Variants in AQP7B observed in about 807,000 individuals in gnomAD.
AQP7B encodes putative aquaporin-7B.
chr2:94,603,562 A>C, the AQP7B span: 1 of 1,518,120 alleles, frequency 6.6e-7, no homozygotes, highest in Non-Finnish European at 9.0e-7. Context: ...CAGAGCCAGC[A>C]GGGAGTCCCT....
At chr2:94,597,706 G>A in the AQP7B span, among the ~76,000 whole-genome samples, 6 of 150,002 alleles carry the variant, frequency 4.0e-5, no homozygotes, top group African/African-American at 1.5e-4. Context: ...CCGGGTTCAA[G>A]CGATTCTTGC....
At chr2:94,587,696 G>T in the AQP7B span, among the ~76,000 whole-genome samples, 2 of 152,154 alleles carry the variant, frequency 1.3e-5, no homozygotes, top group East Asian at 3.9e-4. Context: ...CACTGGGCTG[G>T]ACTATCAGCA....
the AQP7B span, chr2:94,588,666 C>G: frequency 1.3e-6 from 1 of 768,974 alleles, no homozygotes; most frequent in Non-Finnish European, 2.2e-6. Context: ...CCTTGACCTC[C>G]TCCTCCCCAC....
the AQP7B span, among the ~76,000 whole-genome samples, chr2:94,600,585 A>T: frequency 6.6e-6 from 1 of 152,080 alleles, no homozygotes; most frequent in East Asian, 1.9e-4. Context: ...TAAATTGAAA[A>T]AATTAGCTGG....
chr2:94,604,406 G>A, the AQP7B span: 1 of 1,611,530 alleles, frequency 6.2e-7, no homozygotes, highest in South Asian at 1.1e-5. Context: ...CCTGAAATTG[G>A]AGGACTCTGT....
the AQP7B span, among the ~76,000 whole-genome samples, chr2:94,598,597 C>T: frequency 3.3e-5 from 5 of 152,200 alleles, no homozygotes. Context: ...GCTGCCGCCA[C>T]TCCAGCTGAC....
At chr2:94,587,887 G>C in the AQP7B span, among the ~76,000 whole-genome samples, 1 of 152,114 alleles carries the variant, frequency 6.6e-6, no homozygotes, top group African/African-American at 2.4e-5. Flanking sequence ...GGAGATAAGA[G>C]TCTGTGCTGG....
the AQP7B span, among the ~76,000 whole-genome samples, chr2:94,602,232 T>A: frequency 6.6e-6 from 1 of 151,674 alleles, no homozygotes. Context: ...CTGAGGTGCT[T>A]GGATGTTTGT....
chr2:94,602,582 A>C, the AQP7B span: 2 of 1,599,260 alleles, frequency 1.3e-6, no homozygotes, highest in Non-Finnish European at 1.7e-6. Context: ...CTTCGGGGTC[A>C]CCATGGGAGT....
the AQP7B span, chr2:94,603,640 G>A: frequency 1.2e-5 from 16 of 1,313,448 alleles, no homozygotes; most frequent in Middle Eastern, 5.5e-4. Flanking sequence ...GTGGGCTTGG[G>A]TCTGGGCCAC....
chr2:94,588,594 C>A, the AQP7B span: 6 of 691,556 alleles, frequency 8.7e-6, no homozygotes, highest in Admixed American at 2.4e-5. Flanking sequence ...TGTCCTCCAC[C>A]CAGCCCACTT....
the AQP7B span, among the ~76,000 whole-genome samples, chr2:94,591,095 T>A: frequency 6.6e-6 from 1 of 151,994 alleles, no homozygotes; most frequent in Non-Finnish European, 1.5e-5. Flanking sequence ...CTTGGGCCCC[T>A]CTTCTTAGTC....
chr2:94,602,134 T>A, the AQP7B span, among the ~76,000 whole-genome samples: 1 of 151,616 alleles, frequency 6.6e-6, no homozygotes. Context: ...CAGCCTGAAG[T>A]GTGAGGGACT....
the AQP7B span, among the ~76,000 whole-genome samples, chr2:94,588,004 T>C: frequency 1.3e-5 from 2 of 152,176 alleles, no homozygotes; most frequent in East Asian, 3.9e-4. Context: ...AGGGGAATTT[T>C]TGGGTGAGGT....
chr2:94,604,274 C>T, the AQP7B span: 1 of 1,588,598 alleles, frequency 6.3e-7, no homozygotes. Context: ...CAGGCCTCTG[C>T]CTCTTGCCTG....
At chr2:94,602,028 T>TGTGTGC in the AQP7B span, among the ~76,000 whole-genome samples, 3 of 150,992 alleles carry the variant, frequency 2.0e-5, no homozygotes, top group Non-Finnish European at 4.4e-5. Context: ...AGTGTGTGTG[T>TGTGTGC]GTGTGTGTGT....
At chr2:94,589,260 C>A in the AQP7B span, among the ~76,000 whole-genome samples, 2 of 151,770 alleles carry the variant, frequency 1.3e-5, no homozygotes, top group East Asian at 1.9e-4. Context: ...CCACCCGCCT[C>A]GGCCTCCCAA....
the AQP7B span, among the ~76,000 whole-genome samples, chr2:94,590,012 C>A: frequency 1.3e-5 from 2 of 152,220 alleles, no homozygotes; most frequent in African/African-American, 2.4e-5. Context: ...CTTCAAAACT[C>A]CCTTCAGTCC....
the AQP7B span, chr2:94,604,301 T>A: frequency 1.9e-6 from 3 of 1,605,908 alleles, no homozygotes; most frequent in Admixed American, 5.0e-5. Context: ...TGGGGAGAAC[T>A]GGTGGTGGGT....
Sources: gnomAD v4.1 joint callset for allele counts (sites outside exome capture counted in the v4.1 genomes callset) on GRCh38, gnomAD v4.1.1 for gene constraint, MANE v1.5 for transcripts, NCBI Gene and HGNC (gene_info 2026-07-23, HGNC 2026-07-21) for gene names.